The following MEIS2 variants were observed in gnomAD, a reference collection of about 807,000 sequenced individuals.
MEIS2 encodes homeobox protein Meis2.
MEIS2 carries 9 observed loss-of-function variants against 58.6 expected under a neutral mutation model. The ratio of observed to expected loss-of-function variants is 0.15; its 90% CI spans 0.09 to 0.27. The LOEUF (loss-of-function observed/expected upper bound fraction) is 0.27. Ranked by LOEUF, MEIS2 falls within the 10% of genes least tolerant of loss-of-function variation. The pLI, the probability that MEIS2 is intolerant of heterozygous loss-of-function variation, is 1.00. For missense variants in MEIS2, 427 were observed against 635.0 expected (o/e 0.67, Z 3.52); for synonymous variants, 221 against 228.4 (o/e 0.97, Z 0.29).
intron 11 of MEIS2, among the ~76,000 whole-genome samples, 195 bp from the exon 12 acceptor site, chr15:36,892,654 T>A (rs2055938038): frequency 6.6e-6 from 1 of 152,150 alleles, no homozygotes; most frequent in African/African-American, 2.4e-5. Flanking sequence ...CGCACAGCAG[T>A]ATAATGCAAC....
At position 36,890,829 on chromosome 15, in the gene MEIS2, C is replaced by T. The variant is rs1453621880; in HGVS notation, c.*1344G>A. 5.9e-5 allele frequency: 9 copies of T among 152,134 alleles called. No homozygotes were observed. The highest frequency in any genetic ancestry group is 8.8e-5 in the Non-Finnish European group (6 of 68,006). 9.4% of individuals were successfully genotyped at this position (152,134 alleles called of 1,614,324 possible). On this transcript the variant is annotated 3_prime_UTR_variant, in exon 12 of 12. Transcript: ENST00000561208. ...CTGGCTCATCATGTACACATAGTTTCGTACCTTTAGAAGTTTTCTGCTGGT... is the reference window on the plus strand; with the variant it reads ...CTGGCTCATCATGTACACATAGTTTTGTACCTTTAGAAGTTTTCTGCTGGT...
intron 8 of MEIS2, among the ~76,000 whole-genome samples, chr15:36,978,207 T>TACA (rs901849538): frequency 1.6e-4 from 24 of 152,368 alleles, no homozygotes; most frequent in Admixed American, 7.2e-4. Flanking sequence ...CCTTGGCATT[T>TACA]ACAACAACAA....
intron 9 of MEIS2, among the ~76,000 whole-genome samples, chr15:36,942,165 A>T (rs531079163): frequency 6.6e-6 from 1 of 152,274 alleles, no homozygotes; most frequent in South Asian, 2.1e-4. Context: ...GTTAGCTGAA[A>T]ATCTCCACCG....
At chr15:36,928,357 T>C (rs2057831680) in intron 9 of MEIS2, among the ~76,000 whole-genome samples, 1 of 152,190 alleles carries the variant, frequency 6.6e-6, no homozygotes, top group African/African-American at 2.4e-5. Context: ...TTGGAGCTCC[T>C]ACCAACTGTC....
chr15:36,892,196 C>A lies in MEIS2; in HGVS notation c.1411G>T (p.Val471Phe). 1 of 1,614,218 alleles carries A rather than the reference C, an allele frequency of 6.2e-7. No individual in the cohort carries two copies. The highest frequency in any genetic ancestry group is 8.5e-7 in the Non-Finnish European group (1 of 1,180,036). ...NSVDPNVGGQVMDIHAQ is the reference protein window; with the variant it reads ...NSVDPNVGGQFMDIHAQ Reference sequence around the variant, plus strand: ...TACTATTGGGCATGAATGTCCATAACCTGTCCGCCAACATTGGGATCTACA... The same window carrying A: ...TACTATTGGGCATGAATGTCCATAAACTGTCCGCCAACATTGGGATCTACA... Residue 471 changes from valine (V) to phenylalanine (F), a missense_variant, in exon 12 of 12, where the codon GTT becomes TTT. Transcript: ENST00000561208.
Position 36,942,281 on chromosome 15 carries a change from G to A in MEIS2, c.977+8043C>T, listed in dbSNP as rs2058403320. Among the ~76,000 whole-genome samples the A allele has an allele frequency of 6.6e-5, 10 of 152,224 alleles. No homozygotes were observed. The South Asian group carries it at 2.1e-3, about 32-fold the overall frequency. On this transcript the variant is annotated intron_variant, in intron 9 of 11. Coordinates refer to ENST00000561208, the MANE Select transcript of MEIS2 (RefSeq NM_170675.5). ...AATTACAGTAAAAACAGTGAAGTAGGAAAAAGACTTGGAGAAAGCAATATT... is the reference window on the plus strand; with the variant it reads ...AATTACAGTAAAAACAGTGAAGTAGAAAAAAGACTTGGAGAAAGCAATATT...
intron 8 of MEIS2, among the ~76,000 whole-genome samples, chr15:37,021,438 CTACT>C (rs1469551310): frequency 6.6e-6 from 1 of 152,224 alleles, no homozygotes; most frequent in Admixed American, 6.5e-5. Context: ...TGGCTTGCCC[CTACT>C]TTTGAAAACT....
chr15:37,097,620 T>C (rs1777000553), intron 2 of MEIS2, among the ~76,000 whole-genome samples: 1 of 152,142 alleles, frequency 6.6e-6, no homozygotes, highest in African/African-American at 2.4e-5. Flanking sequence ...TTCTCCTTCG[T>C]CAAGGCCTCT....
chr15:36,892,510 A>G, intron 11 of MEIS2, 51 bp from the exon 12 acceptor site: 1 of 1,399,348 alleles, frequency 7.1e-7, no homozygotes, highest in Non-Finnish European at 9.9e-7. Context: ...AAACATTTTT[A>G]TACTTTACCC....
intron 8 of MEIS2, among the ~76,000 whole-genome samples, chr15:36,996,522 G>C (rs550545825): frequency 1.3e-5 from 2 of 152,272 alleles, no homozygotes; most frequent in South Asian, 4.1e-4. Flanking sequence ...TTGTTGTTTA[G>C]CAATAATGAA....
At chr15:37,010,328 C>A (rs2061096949) in intron 8 of MEIS2, among the ~76,000 whole-genome samples, 1 of 152,044 alleles carries the variant, frequency 6.6e-6, no homozygotes, top group African/African-American at 2.4e-5. Context: ...ACCTCATGAT[C>A]CGCCCATCTT....
chr15:37,040,053 T>TG (rs2062351433), intron 7 of MEIS2, among the ~76,000 whole-genome samples: 1 of 151,138 alleles, frequency 6.6e-6, no homozygotes, highest in African/African-American at 2.4e-5. Context: ...TGGTGTTTTT[T>TG]TTTTTTTGTT....
At chr15:36,930,550 G>A (rs977537280) in intron 9 of MEIS2, among the ~76,000 whole-genome samples, 1 of 152,084 alleles carries the variant, frequency 6.6e-6, no homozygotes, top group African/African-American at 2.4e-5. Context: ...CCATGTCCTC[G>A]GCGTCTAGGT....
chr15:37,022,873 T>A (rs1291226526), intron 8 of MEIS2, among the ~76,000 whole-genome samples: 1 of 152,082 alleles, frequency 6.6e-6, no homozygotes, highest in Admixed American at 6.5e-5. Context: ...GCCAGGCTGG[T>A]CTTGAACTCT....
chr15:36,925,188 A>G (rs76871342), intron 9 of MEIS2, among the ~76,000 whole-genome samples: 2 of 152,256 alleles, frequency 1.3e-5, no homozygotes, highest in African/African-American at 2.4e-5. Flanking sequence ...AAAGTAAAAA[A>G]GGAGAAAAAA....
At chr15:37,030,584 C>A (rs1009930364) in intron 8 of MEIS2, among the ~76,000 whole-genome samples, 22 of 151,930 alleles carry the variant, frequency 1.4e-4, no homozygotes, top group Non-Finnish European at 1.9e-4. Flanking sequence ...CAATCCACCC[C>A]CCTTGGCCTC....
In MEIS2 at chr15:36,971,553, A is replaced by AAAAAAAAAAAAAAAAAAAG. The variant is rs1555438306; in HGVS notation, c.901-21154_901-21153insCTTTTTTTTTTTTTTTTTT. Among the ~76,000 whole-genome samples the AAAAAAAAAAAAAAAAAAAG allele has an allele frequency of 4.2e-3, 557 of 131,972 alleles. 44 individuals are homozygous for AAAAAAAAAAAAAAAAAAAG. The highest frequency in any genetic ancestry group is 0.018 in the African/African-American group (523 of 29,480). The allele number at this position is 131,972 out of a possible 152,430, so 86.6% of individuals were successfully genotyped here. On this transcript the variant is annotated intron_variant, in intron 8 of 11. Coordinates refer to ENST00000561208, the MANE Select transcript of MEIS2 (RefSeq NM_170675.5). ...TTGTTACATTAAAAAAAAAAAAAAA[A>AAAAAAAAAAAAAAAAAAAG]AAAAAAAAAAAGGGCTGTTCCAGTG...
chr15:36,989,099 T>G (rs1156501817), intron 8 of MEIS2, among the ~76,000 whole-genome samples: 1 of 152,218 alleles, frequency 6.6e-6, no homozygotes, highest in Non-Finnish European at 1.5e-5. Context: ...AAATAATATT[T>G]CTTCTTATCT....
chr15:37,079,736 G>A (rs544939061), intron 7 of MEIS2, among the ~76,000 whole-genome samples: 49 of 152,140 alleles, frequency 3.2e-4, no homozygotes, highest in Admixed American at 1.3e-3. Context: ...TAGCCTCATC[G>A]CCTGGAAAAT....
Sources: gnomAD v4.1 joint callset for allele counts (sites outside exome capture counted in the v4.1 genomes callset) on GRCh38, gnomAD v4.1.1 for gene constraint, MANE v1.5 for transcripts, NCBI Gene and HGNC (gene_info 2026-07-23, HGNC 2026-07-21) for gene names.